Variants in TRAF3IP1 observed in about 807,000 individuals in gnomAD.
TRAF3IP1 encodes intraflagellar transport 54, also known as TRAF3-interacting protein 1.
A neutral mutation model predicts 89.9 loss-of-function variants in TRAF3IP1; 53 were observed. The ratio of observed to expected loss-of-function variants is 0.59; its 90% CI spans 0.47 to 0.74. The LOEUF (loss-of-function observed/expected upper bound fraction) is 0.74, where lower values mean the gene tolerates loss of function less well. TRAF3IP1 is among the 30% of genes least tolerant of loss of function. TRAF3IP1 has a pLI of 0.00. For synonymous variants in TRAF3IP1, 311 were observed against 322.1 expected, an observed-to-expected ratio of 0.97 and a Z score of 0.37; for missense variants, 806 against 866.1, an observed-to-expected ratio of 0.93 and a Z score of 0.87.
At chr2:238,350,646 C>T (rs1438439177) in intron 12 of TRAF3IP1, among the ~76,000 whole-genome samples, 1 of 152,130 alleles carries the variant, frequency 6.6e-6, no homozygotes, top group East Asian at 1.9e-4. Context: ...GTTGCTGAAC[C>T]TCCTACAATG....
intron 15 of TRAF3IP1, among the ~76,000 whole-genome samples, chr2:238,392,732 G>T (rs536748): frequency 6.6e-6 from 1 of 152,072 alleles, no homozygotes; most frequent in African/African-American, 2.4e-5. Flanking sequence ...ATGCGCCACC[G>T]CGCCCAGCTA....
intron 8 of TRAF3IP1, among the ~76,000 whole-genome samples, chr2:238,341,548 A>ATTTTTT (rs1559364578): frequency 7.9e-6 from 1 of 126,250 alleles, no homozygotes; most frequent in African/African-American, 3.5e-5. Context: ...TTTTTTTTTA[A>ATTTTTT]AAAAAAAACA....
chr2:238,385,274 C>A (rs946883983), intron 15 of TRAF3IP1, among the ~76,000 whole-genome samples: 1 of 152,144 alleles, frequency 6.6e-6, no homozygotes, highest in African/African-American at 2.4e-5. Context: ...CCTCGGCCTC[C>A]CAAAGTGCTG....
chr2:238,346,142 C>G (rs1281921841), intron 9 of TRAF3IP1, among the ~76,000 whole-genome samples: 2 of 152,080 alleles, frequency 1.3e-5, no homozygotes, highest in Non-Finnish European at 2.9e-5. Context: ...ACTCTCAGTG[C>G]TGGTTTCTGC....
chr2:238,338,659 C>T (rs1698496987), intron 8 of TRAF3IP1, among the ~76,000 whole-genome samples: 2 of 152,164 alleles, frequency 1.3e-5, no homozygotes, highest in African/African-American at 4.8e-5. Flanking sequence ...ATTAACTCAG[C>T]TTTTAGTTAA....
At chr2:238,347,520 CATGTGT>C in intron 10 of TRAF3IP1, 45 bp downstream of exon 10, 1 of 1,601,722 alleles carries the variant, frequency 6.2e-7, no homozygotes, top group Non-Finnish European at 8.6e-7. Flanking sequence ...CAATTGTATG[CATGTGT>C]GTGAATGTGA....
intron 15 of TRAF3IP1, among the ~76,000 whole-genome samples, chr2:238,382,664 G>A (rs1262227682): frequency 6.6e-6 from 1 of 152,058 alleles, no homozygotes; most frequent in East Asian, 1.9e-4. Flanking sequence ...GCTCACAGTC[G>A]AGTGTCACCA....
chr2:238,377,943 G>C (rs1015589519), intron 15 of TRAF3IP1, among the ~76,000 whole-genome samples: 2 of 152,090 alleles, frequency 1.3e-5, no homozygotes, highest in East Asian at 1.9e-4. Flanking sequence ...AAATTTTCAA[G>C]CTTATTGGAA....
In TRAF3IP1 at chr2:238,400,860, AT is replaced by A. The variant is rs1282303812; in HGVS notation, c.*1942del. The A allele has an allele frequency of 6.6e-6, 1 of 152,196 alleles. No individual in the cohort carries two copies. The highest frequency in any genetic ancestry group is 1.5e-5 in the Non-Finnish European group (1 of 68,020). The allele number at this position is 152,196 out of a possible 1,614,324, so 9.4% of individuals were successfully genotyped here. ...GTATCATAAAGTTTATTTTTCTTTTATACGTAAATCATTAAAAATAATCACA... is the reference window on the plus strand; with the variant it reads ...GTATCATAAAGTTTATTTTTCTTTTAACGTAAATCATTAAAAATAATCACA... On this transcript the variant is annotated 3_prime_UTR_variant, in exon 17 of 17. Transcript: ENST00000373327.
intron 15 of TRAF3IP1, among the ~76,000 whole-genome samples, chr2:238,381,536 C>T (rs1171193279): frequency 6.6e-6 from 1 of 152,216 alleles, no homozygotes; most frequent in Non-Finnish European, 1.5e-5. Context: ...GGGGCCAGTC[C>T]TGTGCCTGCA....
intron 15 of TRAF3IP1, among the ~76,000 whole-genome samples, chr2:238,359,808 A>G (rs1390362673): frequency 2.0e-5 from 3 of 152,204 alleles, no homozygotes; most frequent in African/African-American, 7.2e-5. Flanking sequence ...TGTGGATAGT[A>G]CCAAACCCTG....
chr2:238,328,674 T>C lies in TRAF3IP1; in HGVS notation c.355-12T>C. The C allele has an allele frequency of 1.9e-6, 3 of 1,610,466 alleles. No homozygotes were observed. Among genetic ancestry groups the C allele is most frequent in the East Asian group, 2.2e-5 (1 of 44,846 alleles). On this transcript the variant is annotated splice_polypyrimidine_tract_variant and intron_variant, in intron 3 of 16. Transcript: ENST00000373327. ...CACCTAACACCTCATTTCCTTCCAT[T>C]TGGACGACAAGCTCTCTAGTGACGA... is the stretch of plus-strand genomic sequence containing the variant.
intron 2 of TRAF3IP1, 69 bp downstream of exon 2, chr2:238,325,443 A>G (rs1644894858): frequency 6.6e-7 from 1 of 1,511,510 alleles, no homozygotes; most frequent in South Asian, 1.1e-5. Flanking sequence ...TAGGCCTGGT[A>G]GTGTGGCTTG....
intron 15 of TRAF3IP1, among the ~76,000 whole-genome samples, chr2:238,373,817 G>T (rs1393681041): frequency 6.6e-6 from 1 of 152,110 alleles, no homozygotes; most frequent in Non-Finnish European, 1.5e-5. Context: ...GTTGAGCAGT[G>T]GTTTGTAGTT....
chr2:238,347,163 A>T, intron 9 of TRAF3IP1: 1 of 366,834 alleles, frequency 2.7e-6, no homozygotes, highest in African/African-American at 2.1e-5. Flanking sequence ...TTCTTGTCTC[A>T]TGAACTTGTT....
chr2:238,387,832 A>G (rs79693451), intron 15 of TRAF3IP1, among the ~76,000 whole-genome samples: 8,999 of 152,280 alleles, frequency 0.059, 381 homozygotes, highest in Non-Finnish European at 0.081. Context: ...TGTAATCCCA[A>G]TGCTTTGAGA....
chr2:238,329,345 A>T lies in TRAF3IP1; in HGVS notation c.915+3A>T, dbSNP rs771336910. 7.4e-7 allele frequency: 1 copy of T among 1,356,356 alleles called. No individual in the cohort carries two copies. Among genetic ancestry groups the T allele is most frequent in the South Asian group, 2.6e-5 (1 of 38,894 alleles). The allele number at this position is 1,356,356 out of a possible 1,614,324, so 84.0% of individuals were successfully genotyped here. ...AGCATGACAAACCTGAGAAAAAGGT[A>T]AAGTCTTGCTGAGAACCTCGCCTTT... On this transcript the variant is annotated splice_donor_region_variant and intron_variant, in intron 5 of 16. Coordinates refer to ENST00000373327, the MANE Select transcript of TRAF3IP1 (RefSeq NM_015650.4).
At chr2:238,344,422 A>G in intron 8 of TRAF3IP1, 75 bp from the exon 9 acceptor site, 1 of 1,147,970 alleles carries the variant, frequency 8.7e-7, no homozygotes, top group Admixed American at 1.8e-5. Flanking sequence ...AGTGTGCTCT[A>G]TGTTAATGAA....
chr2:238,350,044 C>T (rs186005810), intron 12 of TRAF3IP1, among the ~76,000 whole-genome samples: 23 of 152,038 alleles, frequency 1.5e-4, no homozygotes, highest in Non-Finnish European at 2.8e-4. Flanking sequence ...GTACTCCAGC[C>T]TGGGCGACAG....
Sources: allele counts gnomAD v4.1 joint callset (sites outside exome capture counted in the v4.1 genomes callset), GRCh38; gene constraint gnomAD v4.1.1; transcripts MANE v1.5; gene names NCBI Gene and HGNC (gene_info 2026-07-23, HGNC 2026-07-21).